DSCAM: variants seen among roughly 807,000 people sequenced by gnomAD.
DSCAM encodes cell adhesion molecule DSCAM.
Under a neutral mutation model 217.7 loss-of-function variants are expected in DSCAM, and 47 were observed. The ratio of observed to expected loss-of-function variants is 0.22; its 90% CI spans 0.17 to 0.28. The LOEUF is 0.28. Ranked by LOEUF, DSCAM falls within the 10% of genes least tolerant of loss-of-function variation. DSCAM has a pLI of 1.00. For synonymous variants in DSCAM, 1,056 were observed against 1,015.3 expected, an observed-to-expected ratio of 1.04 and a Z score of -0.76; for missense variants, 2,080 against 2,618.3, an observed-to-expected ratio of 0.79 and a Z score of 4.49.
intron 3 of DSCAM, among the ~76,000 whole-genome samples, chr21:40,528,719 C>G (rs1346234666): frequency 6.6e-6 from 1 of 152,060 alleles, no homozygotes; most frequent in Non-Finnish European, 1.5e-5. Flanking sequence ...GGTACTCCAT[C>G]TGTCCTTTGT....
chr21:40,572,083 TGG>T (rs745465658), intron 3 of DSCAM, among the ~76,000 whole-genome samples: 2,090 of 73,622 alleles, frequency 0.028, 22 homozygotes, highest in East Asian at 0.056. Context: ...TGTGTGTGTG[TGG>T]GTGTGTGTGT....
In DSCAM at chr21:40,692,200, C is replaced by T. The variant is rs149013244; in HGVS notation, c.508+610G>A. Among the ~76,000 whole-genome samples, 1,403 of 152,324 alleles carry T rather than the reference C, an allele frequency of 9.2e-3. 22 individuals are homozygous for T. The highest frequency in any genetic ancestry group is 0.032 in the African/African-American group (1,326 of 41,568). ...CAGTCGCCTTTCCAGGTAAATAGCA[C>T]AGAGCAAGAAATCAACACCATTAGA... On this transcript the variant is annotated intron_variant, in intron 3 of 32. Transcript: ENST00000400454.
rs567506598 is a variant in DSCAM, at chr21:40,478,353, G to T, written c.509-109108C>A. ...GAACCTGTAGTACATGTGGACATAG[G>T]TAAATATTTTTTTCTTTTGGGGACA... On this transcript the variant is annotated intron_variant, in intron 3 of 32. Transcript: ENST00000400454. 2.6e-4 allele frequency among the ~76,000 whole-genome samples: 39 copies of T among 152,298 alleles called. 1 individual carries two copies. The South Asian group carries it at 8.1e-3, about 32-fold the overall frequency.
At chr21:40,495,338 C>T (rs2076109366) in intron 3 of DSCAM, among the ~76,000 whole-genome samples, 2 of 152,124 alleles carry the variant, frequency 1.3e-5, no homozygotes, top group Admixed American at 1.3e-4. Context: ...GGCTATTCAC[C>T]TTGATCAGTA....
At chr21:40,603,734 G>A (rs146829827) in intron 3 of DSCAM, among the ~76,000 whole-genome samples, 55 of 151,922 alleles carry the variant, frequency 3.6e-4, no homozygotes, top group African/African-American at 1.3e-3. Flanking sequence ...TACTGTTGTT[G>A]TTGTTCAATA....
At chr21:40,589,133 CT>C (rs1568924392) in intron 3 of DSCAM, among the ~76,000 whole-genome samples, 1 of 60,828 alleles carries the variant, frequency 1.6e-5, no homozygotes, top group Non-Finnish European at 3.3e-5. Context: ...CAACAAGTCA[CT>C]TTTTTCTCAT....
intron 3 of DSCAM, among the ~76,000 whole-genome samples, chr21:40,637,995 T>C (rs1042385763): frequency 5.9e-5 from 9 of 152,004 alleles, no homozygotes; most frequent in East Asian, 1.9e-4. Flanking sequence ...CCATTTTATA[T>C]TGATAGAATT....
chr21:40,087,324 A>G (rs2089546239), intron 21 of DSCAM, 37 bp from the exon 22 acceptor site: 1 of 1,531,106 alleles, frequency 6.5e-7, no homozygotes, highest in Non-Finnish European at 9.1e-7. Context: ...TGATTACTCC[A>G]CAGACGTGTC....
At position 40,189,062 on chromosome 21, in the gene DSCAM, C is replaced by G; in HGVS notation, c.2533G>C (p.Glu845Gln). Reference sequence around the variant, plus strand: ...TTTACCTGCAGAGTAGAAATCACCTCTTCTCCCACCTCCTTGGTGGACACA... The same window carrying G: ...TTTACCTGCAGAGTAGAAATCACCTGTTCTCCCACCTCCTTGGTGGACACA... ...YLVSTKEVGE[E>Q]VISTLQILPT... Residue 845 changes from glutamate (E) to glutamine (Q), a missense_variant, in exon 12 of 33, where the codon GAG becomes CAG. Glu to Gln is a conservative substitution (Grantham distance 29). Coordinates refer to ENST00000400454, the MANE Select transcript of DSCAM (RefSeq NM_001389.5). The G allele has an allele frequency of 6.2e-7, 1 of 1,614,176 alleles. No individual in the cohort carries two copies. Among genetic ancestry groups the G allele is most frequent in the Non-Finnish European group, 8.5e-7 (1 of 1,180,032 alleles).
intron 3 of DSCAM, among the ~76,000 whole-genome samples, chr21:40,641,113 AT>A (rs2089873269): frequency 6.6e-6 from 1 of 152,188 alleles, no homozygotes; most frequent in African/African-American, 2.4e-5. Flanking sequence ...GCTGCATGGA[AT>A]TTTACATATG....
intron 3 of DSCAM, among the ~76,000 whole-genome samples, chr21:40,579,064 G>A (rs1326179275): frequency 1.3e-5 from 2 of 152,178 alleles, no homozygotes; most frequent in Non-Finnish European, 2.9e-5. Context: ...ACGACAGAGG[G>A]AGGTAGAGGG....
At chr21:40,283,012 T>C (rs2073783356) in intron 10 of DSCAM, among the ~76,000 whole-genome samples, 1 of 152,224 alleles carries the variant, frequency 6.6e-6, no homozygotes, top group Non-Finnish European at 1.5e-5. Context: ...GGTTATTGCA[T>C]CTGAAGATCT....
At chr21:40,210,878 T>C (rs2146879162) in intron 11 of DSCAM, among the ~76,000 whole-genome samples, 1 of 152,340 alleles carries the variant, frequency 6.6e-6, no homozygotes. Context: ...TTCATTTGTG[T>C]GTATGTGCTC....
chr21:40,446,217 G>A lies in DSCAM; in HGVS notation c.509-76972C>T, dbSNP rs573755748. Among the ~76,000 whole-genome samples the A allele has an allele frequency of 2.3e-4, 35 of 152,332 alleles. No individual in the cohort carries two copies. The South Asian group carries it at 5.8e-3, about 25-fold the overall frequency. On this transcript the variant is annotated intron_variant, in intron 3 of 32. Coordinates refer to ENST00000400454, the MANE Select transcript of DSCAM (RefSeq NM_001389.5). ...TTTAGGTCTAATACCACTGTTTACA[G>A]TGTTCCTGAAAGATTATTACATAGT...
At chr21:40,697,880 A>G (rs2090612203) in intron 2 of DSCAM, among the ~76,000 whole-genome samples, 1 of 152,074 alleles carries the variant, frequency 6.6e-6, no homozygotes. Flanking sequence ...GAAGAATGTC[A>G]TTGGTAGGGA....
chr21:40,099,435 T>C (rs942608058), intron 20 of DSCAM, among the ~76,000 whole-genome samples: 3 of 152,300 alleles, frequency 2.0e-5, no homozygotes, highest in Admixed American at 6.5e-5. Context: ...GTGGCTCCTA[T>C]TGGTTATTTG....
At chr21:40,282,232 A>C (rs1330981938) in intron 10 of DSCAM, among the ~76,000 whole-genome samples, 1 of 152,194 alleles carries the variant, frequency 6.6e-6, no homozygotes, top group Non-Finnish European at 1.5e-5. Context: ...GAATAGATTT[A>C]GTCCAATACA....
intron 15 of DSCAM, 134 bp downstream of exon 15, chr21:40,178,793 A>G: frequency 9.6e-7 from 1 of 1,044,888 alleles, no homozygotes; most frequent in Non-Finnish European, 1.4e-6. Context: ...TATAGGGCAC[A>G]GAACTACGGA....
chr21:40,827,774 G>C (rs918852500), intron 1 of DSCAM, among the ~76,000 whole-genome samples: 3 of 152,162 alleles, frequency 2.0e-5, no homozygotes, highest in Admixed American at 6.6e-5. Context: ...GGGCGGTACA[G>C]GCAACTTTGT....
Sources: allele counts gnomAD v4.1 joint callset (sites outside exome capture counted in the v4.1 genomes callset), GRCh38; gene constraint gnomAD v4.1.1; transcripts MANE v1.5; gene names NCBI Gene and HGNC (gene_info 2026-07-23, HGNC 2026-07-21).